The following TNR variants were observed in gnomAD, a reference collection of about 807,000 sequenced individuals.
TNR encodes tenascin R.
A neutral mutation model predicts 150.4 loss-of-function variants in TNR; 45 were observed. The observed-to-expected ratio is 0.30, with a 90% CI of 0.24 to 0.38. The LOEUF is 0.38. Ranked by LOEUF, TNR falls within the 10% of genes least tolerant of loss-of-function variation. The pLI is 1.00. For missense variants in TNR, 1,544 were observed against 1,759.1 expected (o/e 0.88, Z 2.19); for synonymous variants, 687 against 678.4 (o/e 1.01, Z -0.20).
intron 1 of TNR, among the ~76,000 whole-genome samples, chr1:175,651,337 T>C (rs954017353): frequency 6.6e-6 from 1 of 151,844 alleles, no homozygotes; most frequent in Admixed American, 6.6e-5. Context: ...ATGTTTTCTT[T>C]GAGGGGAAAG....
At chr1:175,451,824 C>A (rs959315346) in intron 2 of TNR, among the ~76,000 whole-genome samples, 1 of 152,178 alleles carries the variant, frequency 6.6e-6, no homozygotes, top group Non-Finnish European at 1.5e-5. Context: ...CAGACTAATG[C>A]GTTCTCTCCT....
rs545138749 is a variant in TNR at position 175,431,911 on chromosome 1, A to ATC, written c.-63-25136_-63-25135dup. On this transcript the variant is annotated intron_variant, in intron 2 of 22. Coordinates refer to ENST00000367674, the MANE Select transcript of TNR (RefSeq NM_003285.3). Reference sequence around the variant, plus strand: ...ATTTCTCTTGTTTATGGACCATAATATCTCTCTCTCTCTCTCTCTCTCTCC... The same window carrying ATC: ...ATTTCTCTTGTTTATGGACCATAATATCTCTCTCTCTCTCTCTCTCTCTCTCC... Among the ~76,000 whole-genome samples, 1,307 of 136,452 alleles carry ATC rather than the reference A, an allele frequency of 9.6e-3. 23 individuals are homozygous for ATC. The highest frequency in any genetic ancestry group is 0.034 in the African/African-American group (1,129 of 33,086). The allele number at this position is 136,452 out of a possible 152,430, so 89.5% of individuals were successfully genotyped here.
chr1:175,486,368 A>G (rs1383519374), intron 2 of TNR, among the ~76,000 whole-genome samples: 1 of 151,536 alleles, frequency 6.6e-6, no homozygotes, highest in Non-Finnish European at 1.5e-5. Context: ...GAGTGAGAAC[A>G]TGCGGTGTTT....
At chr1:175,580,866 C>A (rs1662324776) in intron 1 of TNR, among the ~76,000 whole-genome samples, 1 of 151,862 alleles carries the variant, frequency 6.6e-6, no homozygotes, top group African/African-American at 2.4e-5. Flanking sequence ...ATTGTCTTTC[C>A]ATTGTGAGAG....
chr1:175,569,559 G>A (rs771192445), intron 1 of TNR, among the ~76,000 whole-genome samples: 14 of 152,204 alleles, frequency 9.2e-5, no homozygotes, highest in Non-Finnish European at 1.8e-4. Flanking sequence ...ATCACTCTGT[G>A]ATGAAATTTG....
intron 1 of TNR, among the ~76,000 whole-genome samples, chr1:175,585,038 A>G (rs970522813): frequency 2.6e-5 from 4 of 152,230 alleles, no homozygotes; most frequent in Non-Finnish European, 5.9e-5. Flanking sequence ...TAACGTTGTT[A>G]ATAGCAAATA....
chr1:175,446,167 T>C (rs1250010211), intron 2 of TNR, among the ~76,000 whole-genome samples: 1 of 152,184 alleles, frequency 6.6e-6, no homozygotes, highest in Non-Finnish European at 1.5e-5. Flanking sequence ...AAGAAGGCAT[T>C]GCACATATGT....
At chr1:175,582,047 C>A (rs969372032) in intron 1 of TNR, among the ~76,000 whole-genome samples, 1 of 151,996 alleles carries the variant, frequency 6.6e-6, no homozygotes, top group African/African-American at 2.4e-5. Context: ...CTGGGTGGTA[C>A]CAGGAAAAGA....
intron 1 of TNR, among the ~76,000 whole-genome samples, chr1:175,730,664 C>A (rs567860260): frequency 6.6e-6 from 1 of 152,242 alleles, no homozygotes; most frequent in South Asian, 2.1e-4. Context: ...TTTATTCTCA[C>A]CAGGTTTATA....
At chr1:175,522,916 A>G (rs1659698161) in intron 2 of TNR, among the ~76,000 whole-genome samples, 1 of 152,250 alleles carries the variant, frequency 6.6e-6, no homozygotes, top group East Asian at 1.9e-4. Context: ...CTTTTTCACC[A>G]GAAATACGGG....
At chr1:175,420,600 C>T (rs1258291169) in intron 2 of TNR, among the ~76,000 whole-genome samples, 1 of 152,226 alleles carries the variant, frequency 6.6e-6, no homozygotes, top group Non-Finnish European at 1.5e-5. Flanking sequence ...TACCTTTCCC[C>T]TTTTGAAAAG....
Position 175,398,389 on chromosome 1 carries a change from C to T in TNR, c.977-1582G>A, listed in dbSNP as rs181171149. Among the ~76,000 whole-genome samples the T allele has an allele frequency of 4.3e-4, 65 of 152,114 alleles. No homozygotes were observed. The South Asian group carries it at 4.8e-3, about 11-fold the overall frequency. On this transcript the variant is annotated intron_variant, in intron 4 of 22. Transcript: ENST00000367674. ...ATTTATAAAACTCAAGAAGTGTAAA[C>T]GAAATTTAAATAAGCTTTCAAATGA...
Position 175,481,588 on chromosome 1 carries a change from C to T in TNR, c.-64+46681G>A, listed in dbSNP as rs181085560. Among the ~76,000 whole-genome samples, 28 of 152,150 alleles carry T rather than the reference C, an allele frequency of 1.8e-4. No individual in the cohort carries two copies. The East Asian group carries it at 3.3e-3, about 18-fold the overall frequency. ...AACACAGTAGAATGAGACACAGCCT[C>T]GGCAGAATAATCAGAGCAGAAACCT... On this transcript the variant is annotated intron_variant, in intron 2 of 22. Coordinates refer to ENST00000367674, the MANE Select transcript of TNR (RefSeq NM_003285.3).
chr1:175,331,029 C>CTTTCTTTCTTTCT (rs1557867301), intron 20 of TNR, among the ~76,000 whole-genome samples: 10 of 68,176 alleles, frequency 1.5e-4, no homozygotes, highest in African/African-American at 4.3e-4. Flanking sequence ...TTCTTTCTTT[C>CTTTCTTTCTTTCT]TTTCTTTCTT....
At chr1:175,451,855 G>C (rs114223750) in intron 2 of TNR, among the ~76,000 whole-genome samples, 9 of 152,348 alleles carry the variant, frequency 5.9e-5, no homozygotes, top group African/African-American at 1.9e-4. Flanking sequence ...ATGGTTCAGT[G>C]ACTTGGCTGT....
chr1:175,399,048 G>A (rs374386917), intron 4 of TNR, among the ~76,000 whole-genome samples: 14 of 152,306 alleles, frequency 9.2e-5, no homozygotes, highest in Admixed American at 2.0e-4. Flanking sequence ...TACAGATTGC[G>A]CGAGATGCCT....
chr1:175,497,763 T>C (rs911211365), intron 2 of TNR, among the ~76,000 whole-genome samples: 1 of 152,182 alleles, frequency 6.6e-6, no homozygotes, highest in East Asian at 1.9e-4. Flanking sequence ...CCAGTGCTTA[T>C]GTTAAACACC....
intron 1 of TNR, among the ~76,000 whole-genome samples, chr1:175,570,623 T>G (rs766582688): frequency 2.0e-5 from 3 of 151,972 alleles, no homozygotes; most frequent in Non-Finnish European, 4.4e-5. Flanking sequence ...TCTCTTCCCT[T>G]CTTCTTTCCT....
intron 2 of TNR, among the ~76,000 whole-genome samples, chr1:175,455,472 T>C (rs1264369230): frequency 6.6e-6 from 1 of 152,254 alleles, no homozygotes; most frequent in Admixed American, 6.5e-5. Flanking sequence ...AGATCCTTGC[T>C]GTCTAGCAGT....
Sources: gnomAD v4.1 joint callset for allele counts (sites outside exome capture counted in the v4.1 genomes callset) on GRCh38, gnomAD v4.1.1 for gene constraint, MANE v1.5 for transcripts, NCBI Gene and HGNC (gene_info 2026-07-23, HGNC 2026-07-21) for gene names.